The following LRP2 variants were observed in gnomAD, a reference collection of about 807,000 sequenced individuals.
LRP2 encodes the protein low-density lipoprotein receptor-related protein 2.
In LRP2, 172 loss-of-function variants were observed where a neutral mutation model predicts 531.0. That is an observed-to-expected ratio of 0.32 (90% CI 0.29 to 0.37). The LOEUF is 0.37. LRP2 is among the 10% of genes least tolerant of loss of function. LRP2 has a pLI of 1.00. For synonymous variants in LRP2, 1,992 were observed against 2,027.6 expected (o/e 0.98, Z 0.47); for missense variants, 5,167 against 5,868.3 (o/e 0.88, Z 3.90).
intron 60 of LRP2, among the ~76,000 whole-genome samples, chr2:169,168,894 G>T (rs114777048): frequency 3.3e-5 from 5 of 152,162 alleles, no homozygotes; most frequent in African/African-American, 1.2e-4. Context: ...ATCATCCATG[G>T]CATGGACAGC....
chr2:169,304,877 C>A (rs541043941), intron 4 of LRP2, among the ~76,000 whole-genome samples: 1 of 152,052 alleles, frequency 6.6e-6, no homozygotes, highest in Admixed American at 6.6e-5. Flanking sequence ...TGGAATACTA[C>A]GCAGCCCTAA....
At position 169,277,725 on chromosome 2, in the gene LRP2, C is replaced by T. The variant is rs1683592946; in HGVS notation, c.1772+20G>A. 6.2e-7 allele frequency: 1 copy of T among 1,603,214 alleles called. No individual in the cohort carries two copies. Among genetic ancestry groups the T allele is most frequent in the Non-Finnish European group, 8.5e-7 (1 of 1,170,242 alleles). On this transcript the variant is annotated intron_variant, in intron 13 of 78. Coordinates refer to ENST00000649046, the MANE Select transcript of LRP2 (RefSeq NM_004525.3). Reference sequence around the variant, plus strand: ...TCCCTGCAACTTATAAAGCCATAAGCCATAAAAAATACTTCTTACCTTTGA... The same window carrying T: ...TCCCTGCAACTTATAAAGCCATAAGTCATAAAAAATACTTCTTACCTTTGA...
At chr2:169,195,259 A>C (rs1687967775) in intron 46 of LRP2, among the ~76,000 whole-genome samples, 1 of 152,216 alleles carries the variant, frequency 6.6e-6, no homozygotes, top group South Asian at 2.1e-4. Context: ...TGCTGACATG[A>C]TGTTAAGCTT....
intron 68 of LRP2, among the ~76,000 whole-genome samples, chr2:169,148,490 A>G (rs1686002902): frequency 6.6e-6 from 1 of 152,128 alleles, no homozygotes; most frequent in Admixed American, 6.5e-5. Context: ...GTTTTCTTAA[A>G]GATAATAAGC....
At position 169,139,559 on chromosome 2, in the gene LRP2, G is replaced by A. The variant is rs778242555; in HGVS notation, c.13251C>T (p.Gly4417=). ...AAAACTTACTTGTTCCTGGAGAGAT[G>A]CCTTTTGAAAACGCCATTTCACAAT... ...GKYCEMAFSK[G]ISPGTTAVAV... is the part of the protein sequence containing the mutation. Residue 4417 remains glycine (G), a synonymous_variant, in exon 73 of 79, where the codon GGC becomes GGT. Transcript: ENST00000649046. The A allele has an allele frequency of 3.1e-6, 5 of 1,614,054 alleles. No individual in the cohort carries two copies. Among genetic ancestry groups the A allele is most frequent in the Non-Finnish European group, 4.2e-6 (5 of 1,180,032 alleles).
chr2:169,243,000 T>A lies in LRP2; in HGVS notation c.3623A>T (p.Asp1208Val), dbSNP rs763397905. ...GTTGTCACTGCAATCAAAAACACCA[T>A]CACAACGATTTGTGACGCCAATACA... ...DKCIGVTNRC[D>V]GVFDCSDNSD... Residue 1208 changes from aspartate to valine, a missense_variant, in exon 24 of 79, where the codon GAT becomes GTT. Around this residue, in one of 6 missense-constraint regions of LRP2, gnomAD observed 2,811 missense variants for 3,058.0 expected, o/e 0.92. Transcript: ENST00000649046. 1 of 1,614,118 alleles carries A rather than the reference T, an allele frequency of 6.2e-7. No homozygotes were observed. The highest frequency in any genetic ancestry group is 1.3e-5 in the African/African-American group (1 of 75,016).
Position 169,173,930 on chromosome 2 carries a change from A to T in LRP2, c.11003T>A (p.Ile3668Asn), listed in dbSNP as rs772279671. Residue 3668 changes from isoleucine (I) to asparagine (N), a missense_variant, in exon 56 of 79, where the codon ATT becomes AAT. By Grantham distance (149) the Ile-to-Asn change is moderately radical. Coordinates refer to ENST00000649046, the MANE Select transcript of LRP2 (RefSeq NM_004525.3). ...CCACAGGAACTTACTGCATTCTTCA[A>T]TGGGCTCATCCGAGTGGTCTCCACA... Reference protein sequence around the residue: ...NDCGDHSDEPIEECMSSAHLC... With the variant: ...NDCGDHSDEPNEECMSSAHLC... The T allele has an allele frequency of 1.2e-6, 2 of 1,614,124 alleles. No individual in the cohort carries two copies. The highest frequency in any genetic ancestry group is 1.7e-6 in the Non-Finnish European group (2 of 1,180,014).
At chr2:169,324,127 T>C (rs1684980310) in intron 1 of LRP2, among the ~76,000 whole-genome samples, 1 of 152,206 alleles carries the variant, frequency 6.6e-6, no homozygotes, top group South Asian at 2.1e-4. Context: ...ATCCTCATAA[T>C]AACCCTATGA....
intron 1 of LRP2, among the ~76,000 whole-genome samples, chr2:169,358,388 C>A (rs1292598575): frequency 6.6e-6 from 1 of 151,992 alleles, no homozygotes; most frequent in African/African-American, 2.4e-5. Flanking sequence ...CAGTTGATAT[C>A]TAAGGTTCCC....
chr2:169,320,631 A>G, intron 2 of LRP2, 146 bp downstream of exon 2: 1 of 718,762 alleles, frequency 1.4e-6, no homozygotes, highest in Non-Finnish European at 2.5e-6. Flanking sequence ...TCAGTTCTCT[A>G]TTCAACCACA....
chr2:169,277,880 C>T lies in LRP2; in HGVS notation c.1637G>A (p.Ser546Asn). Residue 546 changes from serine (S) to asparagine (N), a missense_variant, in exon 13 of 79, where the codon AGC becomes AAC. Physicochemically the swap from Ser to Asn is conservative, Grantham distance 46. Transcript: ENST00000649046. ...PKLERAFMDG[S>N]NRKDLVKTKL... ...TGTTTTCACCAAGTCTTTACGGTTG[C>T]TGCCATCCATGAATGCCCTTTCCAG... 1 of 1,614,138 alleles carries T rather than the reference C, an allele frequency of 6.2e-7. No homozygotes were observed. The highest frequency in any genetic ancestry group is 1.3e-5 in the African/African-American group (1 of 75,044).
intron 58 of LRP2, among the ~76,000 whole-genome samples, chr2:169,171,074 A>AT (rs1441307439): frequency 1.3e-5 from 2 of 151,064 alleles, no homozygotes; most frequent in Non-Finnish European, 3.0e-5. Context: ...TTTTATCTTA[A>AT]TTTTTTCTAT....
intron 45 of LRP2, among the ~76,000 whole-genome samples, chr2:169,198,070 A>G (rs1375159914): frequency 1.3e-5 from 2 of 152,238 alleles, no homozygotes; most frequent in Admixed American, 6.5e-5. Context: ...ATTGCTAAAT[A>G]CGAAATAGAG....
intron 48 of LRP2, 31 bp downstream of exon 48, chr2:169,191,801 A>T (rs2105310941): frequency 1.3e-6 from 2 of 1,599,950 alleles, no homozygotes; most frequent in East Asian, 4.5e-5. Flanking sequence ...CATTTGAGGC[A>T]TGCTGGGTAA....
At chr2:169,286,456 A>T (rs1683861300) in intron 9 of LRP2, among the ~76,000 whole-genome samples, 1 of 152,252 alleles carries the variant, frequency 6.6e-6, no homozygotes, top group African/African-American at 2.4e-5. Flanking sequence ...CTGTGCACAC[A>T]TAATACTGCA....
rs1419738646 is a variant in LRP2 at position 169,168,669 on chromosome 2, G to A, written c.11505C>T (p.Arg3835=). ...CCTGGCAGTATGCACCATCAGGAAAGCGTGTGGCTGCCATGGGGGAAAAAA... is the reference window on the plus strand; with the variant it reads ...CCTGGCAGTATGCACCATCAGGAAAACGTGTGGCTGCCATGGGGGAAAAAA... ...DASDEADCPT[R]FPDGAYCQAT... Residue 3835 remains arginine, a synonymous_variant, in exon 61 of 79, where the codon CGC becomes CGT. Transcript: ENST00000649046. The A allele has an allele frequency of 1.9e-6, 3 of 1,613,686 alleles. No homozygotes were observed. Among genetic ancestry groups the A allele is most frequent in the African/African-American group, 1.3e-5 (1 of 74,910 alleles).
At chr2:169,313,778 G>A (rs531337723) in intron 3 of LRP2, among the ~76,000 whole-genome samples, 4 of 152,254 alleles carry the variant, frequency 2.6e-5, no homozygotes, top group East Asian at 1.9e-4. Flanking sequence ...TGTTGCTCAC[G>A]CTGGGAGCTG....
chr2:169,317,803 A>AT (rs79738203), intron 3 of LRP2, among the ~76,000 whole-genome samples: 50,243 of 152,048 alleles, frequency 0.33, 8,829 homozygotes, highest in African/African-American at 0.46. Flanking sequence ...CAGGCCAGTC[A>AT]TGGGGGGGTC....
intron 11 of LRP2, 136 bp from the exon 12 acceptor site, chr2:169,279,731 A>T: frequency 1.6e-6 from 1 of 633,752 alleles, no homozygotes; most frequent in South Asian, 1.9e-5. Context: ...CATGCAAGTT[A>T]TCATTTAAAT....
Sources: gnomAD v4.1 joint callset for allele counts (sites outside exome capture counted in the v4.1 genomes callset) on GRCh38, gnomAD v4.1.1 for gene constraint, gnomAD v4.1.1 regional missense constraint, MANE v1.5 for transcripts, NCBI Gene and HGNC (gene_info 2026-07-23, HGNC 2026-07-21) for gene names.